The following SPNS2 variants were observed in gnomAD, a reference collection of about 807,000 sequenced individuals.
SPNS2 encodes SPNS lysolipid transporter 2, sphingosine-1-phosphate.
In SPNS2, 37 loss-of-function variants were observed where a neutral mutation model predicts 57.6. The ratio of observed to expected loss-of-function variants is 0.64; its 90% CI spans 0.49 to 0.85. SPNS2 has a LOEUF of 0.85. Ranked by LOEUF, SPNS2 falls within the 40% of genes least tolerant of loss-of-function variation. The pLI is 0.00. For missense variants in SPNS2, 831 were observed against 779.1 expected, an observed-to-expected ratio of 1.07 and a Z score of -0.79; for synonymous variants, 440 against 346.9, an observed-to-expected ratio of 1.27 and a Z score of -2.98.
intron 3 of SPNS2, among the ~76,000 whole-genome samples, chr17:4,526,112 A>G (rs754273841): frequency 2.0e-5 from 3 of 152,210 alleles, no homozygotes; most frequent in Non-Finnish European, 4.4e-5. Flanking sequence ...AGAGCCTTCA[A>G]GAGGTGTAGA....
Position 4,499,360 on chromosome 17 carries a change from G to A in SPNS2, c.313G>A (p.Ala105Thr), listed in dbSNP as rs1904394204. 5 of 1,428,784 alleles carry A rather than the reference G, an allele frequency of 3.5e-6. No homozygotes were observed. The highest frequency in any genetic ancestry group is 3.7e-6 in the Non-Finnish European group (4 of 1,095,536). The allele number at this position is 1,428,784 out of a possible 1,614,324, so 88.5% of individuals were successfully genotyped here. ...CTTGGGCCGCGGGCGGGGGGCAGCCGCCGCCATCCTCAGCTTGGGCAACGT... is the reference window on the plus strand; with the variant it reads ...CTTGGGCCGCGGGCGGGGGGCAGCCACCGCCATCCTCAGCTTGGGCAACGT... ...ASLGRGRGAA[A>T]AILSLGNVLN... Residue 105 changes from alanine to threonine, a missense_variant, in exon 1 of 13, where the codon GCC (alanine) becomes ACC (threonine). Transcript: ENST00000329078. This position sits in a 1 kb window ranked among gnomAD's most constrained non-coding sequence, Gnocchi z 5.2.
At chr17:4,524,967 C>A in intron 2 of SPNS2, 90 bp from the exon 3 acceptor site, 1 of 1,546,626 alleles carries the variant, frequency 6.5e-7, no homozygotes, top group Non-Finnish European at 8.8e-7. Context: ...CTTTGCTCCA[C>A]AGACTCTTGG....
At chr17:4,514,276 C>CT (rs1567589446) in intron 2 of SPNS2, among the ~76,000 whole-genome samples, 1 of 152,228 alleles carries the variant, frequency 6.6e-6, no homozygotes, top group Admixed American at 6.5e-5. Flanking sequence ...GTCCATCTGG[C>CT]TGTGAGCCCC....
intron 2 of SPNS2, among the ~76,000 whole-genome samples, chr17:4,523,030 A>C (rs1247946290): frequency 6.6e-6 from 1 of 152,248 alleles, no homozygotes; most frequent in Non-Finnish European, 1.5e-5. Context: ...CAACATGCTA[A>C]GTAAACTCCT....
chr17:4,525,044 C>T lies in SPNS2; in HGVS notation c.437-13C>T, dbSNP rs773330727. On this transcript the variant is annotated splice_polypyrimidine_tract_variant and intron_variant, in intron 2 of 12. Coordinates refer to ENST00000329078, the MANE Select transcript of SPNS2 (RefSeq NM_001124758.3). ...GGACCTGGGCCCCCCCTCAAGCTCT[C>T]CTCTCCCTGCAGTGTTCATCTGTAG... 3 of 1,612,110 alleles carry T rather than the reference C, an allele frequency of 1.9e-6. No individual in the cohort carries two copies. The highest frequency in any genetic ancestry group is 1.1e-5 in the South Asian group (1 of 91,042).
In SPNS2 at chr17:4,511,269, A is replaced by T. The variant is rs1305191382; in HGVS notation, c.371-1978A>T. Among the ~76,000 whole-genome samples the T allele has an allele frequency of 1.3e-5, 2 of 152,214 alleles. No homozygotes were observed. Among genetic ancestry groups the T allele is most frequent in the Non-Finnish European group, 2.9e-5 (2 of 68,040 alleles). On this transcript the variant is annotated intron_variant, in intron 1 of 12. Coordinates refer to ENST00000329078, the MANE Select transcript of SPNS2 (RefSeq NM_001124758.3). The surrounding 1 kb of genome is among the most constrained non-coding windows in gnomAD (Gnocchi z 4.6). ...GGGGAGCAAGCAGGGGAGATATTCC[A>T]GAACAGGAGGCATCTGAACTGGCCT... is the stretch of plus-strand genomic sequence containing the variant.
At chr17:4,533,608 G>A (rs1241582261) in intron 8 of SPNS2, 176 bp downstream of exon 8, 6 of 976,544 alleles carry the variant, frequency 6.1e-6, no homozygotes, top group Non-Finnish European at 9.2e-6. Context: ...CAGGGCCTCT[G>A]GGTGCCTCAG....
chr17:4,499,034 C>T lies in SPNS2; in HGVS notation c.-14C>T. 1.0e-6 allele frequency: 1 copy of T among 1,003,742 alleles called. No individual in the cohort carries two copies. The highest frequency in any genetic ancestry group is 5.0e-4 in the Middle Eastern group (1 of 2,016). The allele number at this position is 1,003,742 out of a possible 1,614,324, so 62.2% of individuals were successfully genotyped here. A position where few individuals can be genotyped will look rare whatever the true frequency, so the allele number is the denominator to read the frequency against. ...GCGCCCCCCGCGCCCCCCGCCGCCC[C>T]GATCCGGGCCGGCATGATGTGCCTG... is the stretch of plus-strand genomic sequence containing the variant. On this transcript the variant is annotated 5_prime_UTR_variant, in exon 1 of 13. Coordinates refer to ENST00000329078, the MANE Select transcript of SPNS2 (RefSeq NM_001124758.3). This position sits in a 1 kb window ranked among gnomAD's most constrained non-coding sequence, Gnocchi z 5.2.
At chr17:4,528,472 G>T (rs896206101) in intron 3 of SPNS2, among the ~76,000 whole-genome samples, 1 of 151,498 alleles carries the variant, frequency 6.6e-6, no homozygotes, top group Non-Finnish European at 1.5e-5. Context: ...TTTAAATATT[G>T]TTTATTTTGA....
chr17:4,533,724 A>T (rs1356135766), intron 8 of SPNS2, 64 bp from the exon 9 acceptor site: 5 of 1,568,068 alleles, frequency 3.2e-6, no homozygotes, highest in Admixed American at 3.3e-5. Flanking sequence ...TGTGTAGGGA[A>T]CAGAGACTGT....
intron 3 of SPNS2, among the ~76,000 whole-genome samples, chr17:4,530,141 T>A (rs1905400388): frequency 6.6e-6 from 1 of 151,670 alleles, no homozygotes; most frequent in Non-Finnish European, 1.5e-5. Flanking sequence ...TCCCCTGGGC[T>A]TCCCTGCCAA....
Position 4,532,667 on chromosome 17 carries a change from G to A in SPNS2, c.918G>A (p.Met306Ile). 5.0e-6 allele frequency: 8 copies of A among 1,613,956 alleles called. No individual in the cohort carries two copies. The highest frequency in any genetic ancestry group is 6.8e-6 in the Non-Finnish European group (8 of 1,179,976). ...CCCGGACCTCATGGCTCCGAGATATGAAGGCCCTGATTCGAAAGTGAGTAC... is the reference window on the plus strand; with the variant it reads ...CCCGGACCTCATGGCTCCGAGATATAAAGGCCCTGATTCGAAAGTGAGTAC... ...LKARTSWLRD[M>I]KALIRNRSYV... is the part of the protein sequence containing the mutation. The change falls in exon 6 of 13, where the codon ATG (methionine) becomes ATA (isoleucine). Residue 306 changes from methionine to isoleucine, a missense_variant. By Grantham distance (10) the Met-to-Ile change is conservative. Transcript: ENST00000329078.
rs367627819 is a variant in SPNS2, at chr17:4,532,693, C to T, written c.935+9C>T. On this transcript the variant is annotated intron_variant, in intron 6 of 12. Coordinates refer to ENST00000329078, the MANE Select transcript of SPNS2 (RefSeq NM_001124758.3). Reference sequence around the variant, plus strand: ...AAGGCCCTGATTCGAAAGTGAGTACCGCGGGAAGGGGTCTGGTGGGAAGAG... The same window carrying T: ...AAGGCCCTGATTCGAAAGTGAGTACTGCGGGAAGGGGTCTGGTGGGAAGAG... 1.1e-4 allele frequency: 182 copies of T among 1,612,878 alleles called. 1 individual carries two copies. In the Middle Eastern group the frequency reaches 4.9e-3, roughly 44 times the overall value.
In SPNS2 at chr17:4,536,034, G is replaced by A. The variant is rs375872925; in HGVS notation, c.1345-42G>A. On this transcript the variant is annotated intron_variant, in intron 9 of 12. Coordinates refer to ENST00000329078, the MANE Select transcript of SPNS2 (RefSeq NM_001124758.3). Reference sequence around the variant, plus strand: ...CCCGGGGCCAGGGCCAAGCGCGTGAGCCTTTCTCCTCTGGCCGCTGACCTG... The same window carrying A: ...CCCGGGGCCAGGGCCAAGCGCGTGAACCTTTCTCCTCTGGCCGCTGACCTG... The A allele has an allele frequency of 3.2e-6, 5 of 1,576,858 alleles. No homozygotes were observed. The African/African-American group carries it at 4.0e-5, about 13-fold the overall frequency.
In SPNS2 at chr17:4,533,770, T is replaced by C. The variant is rs770429361; in HGVS notation, c.1279-18T>C. 2 of 1,613,572 alleles carry C rather than the reference T, an allele frequency of 1.2e-6. No individual in the cohort carries two copies. Among genetic ancestry groups the C allele is most frequent in the Non-Finnish European group, 1.7e-6 (2 of 1,179,950 alleles). On this transcript the variant is annotated intron_variant, in intron 8 of 12. Coordinates refer to ENST00000329078, the MANE Select transcript of SPNS2 (RefSeq NM_001124758.3). ...GATGGAGGGACCGCTGATGGTGGCT[T>C]TGCCTTCTCCCCGGCAGATCTGTAT...
chr17:4,509,123 G>T (rs1390714612), intron 1 of SPNS2, among the ~76,000 whole-genome samples: 2 of 152,194 alleles, frequency 1.3e-5, no homozygotes, highest in Admixed American at 6.5e-5. Context: ...TGTCCTACAG[G>T]GTCCGCTCAG....
At position 4,515,709 on chromosome 17, in the gene SPNS2, G is replaced by A. The variant is rs138165922; in HGVS notation, c.436+2397G>A. Among the ~76,000 whole-genome samples the A allele has an allele frequency of 4.6e-5, 7 of 152,364 alleles. No homozygotes were observed. The East Asian group carries it at 7.7e-4, about 17-fold the overall frequency. On this transcript the variant is annotated intron_variant, in intron 2 of 12. Transcript: ENST00000329078. ...TGCCTTCCCCAAGCCCGATAAGGTCGGAGCCAGGTGGAGGGCGCCAGCCAG... is the reference window on the plus strand; with the variant it reads ...TGCCTTCCCCAAGCCCGATAAGGTCAGAGCCAGGTGGAGGGCGCCAGCCAG...
Position 4,533,772 on chromosome 17 carries a change from G to C in SPNS2, c.1279-16G>C. Reference sequence around the variant, plus strand: ...TGGAGGGACCGCTGATGGTGGCTTTGCCTTCTCCCCGGCAGATCTGTATCT... The same window carrying C: ...TGGAGGGACCGCTGATGGTGGCTTTCCCTTCTCCCCGGCAGATCTGTATCT... On this transcript the variant is annotated splice_polypyrimidine_tract_variant and intron_variant, in intron 8 of 12. Coordinates refer to ENST00000329078, the MANE Select transcript of SPNS2 (RefSeq NM_001124758.3). The C allele has an allele frequency of 2.5e-6, 4 of 1,613,580 alleles. No homozygotes were observed. The highest frequency in any genetic ancestry group is 3.4e-6 in the Non-Finnish European group (4 of 1,179,982).
chr17:4,505,572 C>T (rs1243947039), intron 1 of SPNS2, among the ~76,000 whole-genome samples: 2 of 152,244 alleles, frequency 1.3e-5, no homozygotes, highest in Non-Finnish European at 2.9e-5. Context: ...GGCTTTTCTA[C>T]ATTCAAGAGG....
Sources: allele counts gnomAD v4.1 joint callset (sites outside exome capture counted in the v4.1 genomes callset), GRCh38; gene constraint gnomAD v4.1.1; non-coding constraint Gnocchi (gnomAD v3.1); transcripts MANE v1.5; gene names NCBI Gene and HGNC (gene_info 2026-07-23, HGNC 2026-07-21).